Variants in STK33 observed in about 807,000 individuals in gnomAD.
The protein encoded by STK33 is serine/threonine-protein kinase 33.
STK33 carries 52 observed loss-of-function variants against 58.0 expected under a neutral mutation model. The ratio of observed to expected loss-of-function variants is 0.90; its 90% confidence interval spans 0.72 to 1.13. The LOEUF (loss-of-function observed/expected upper bound fraction) is 1.13. STK33 is among the 50% of genes most tolerant of loss of function. The probability of loss-of-function intolerance (pLI) is 0.00; values close to 1 mark genes in which losing one functional copy is unlikely to be tolerated. For synonymous variants in STK33, 215 were observed against 200.1 expected, an observed-to-expected ratio of 1.07 and a Z score of -0.63; for missense variants, 630 against 604.2, an observed-to-expected ratio of 1.04 and a Z score of -0.45.
chr11:8,591,108 A>G (rs1031869086), intron 1 of STK33, among the ~76,000 whole-genome samples: 1 of 152,222 alleles, frequency 6.6e-6, no homozygotes, highest in African/African-American at 2.4e-5. Context: ...CGTGTGACAG[A>G]TAAGTCAATG....
the STK33 span, among the ~76,000 whole-genome samples, chr11:8,358,999 G>C: frequency 1.3e-5 from 2 of 152,190 alleles, no homozygotes; most frequent in African/African-American, 4.8e-5. Flanking sequence ...CACAGTAACA[G>C]GCCTACCCAA....
chr11:8,355,307 C>T, the STK33 span, among the ~76,000 whole-genome samples: 2 of 152,246 alleles, frequency 1.3e-5, no homozygotes, highest in Non-Finnish European at 2.9e-5. Context: ...GAGGTTAATA[C>T]GGCACACCTG....
the STK33 span, among the ~76,000 whole-genome samples, chr11:8,384,343 C>A: frequency 2.0e-5 from 3 of 152,300 alleles, no homozygotes; most frequent in Admixed American, 6.5e-5. Context: ...CATGGTCTTG[C>A]GGTAATGCCA....
chr11:8,367,420 T>C, the STK33 span, among the ~76,000 whole-genome samples: 1 of 152,226 alleles, frequency 6.6e-6, no homozygotes, highest in Non-Finnish European at 1.5e-5. Context: ...CTATGAGATA[T>C]GGGGACCACA....
At chr11:8,537,658 G>A (rs1955144154) in intron 1 of STK33, among the ~76,000 whole-genome samples, 1 of 151,992 alleles carries the variant, frequency 6.6e-6, no homozygotes, top group African/African-American at 2.4e-5. Context: ...TGTAATCCCA[G>A]CACTTTGGGA....
chr11:8,369,331 G>GTGTGTGTGTA, the STK33 span, among the ~76,000 whole-genome samples: 1 of 146,350 alleles, frequency 6.8e-6, no homozygotes, highest in Non-Finnish European at 1.5e-5. Flanking sequence ...GTGTGTGTGT[G>GTGTGTGTGTA]TATAATCAGA....
At chr11:8,567,503 A>G (rs2141051271) in intron 1 of STK33, among the ~76,000 whole-genome samples, 1 of 152,368 alleles carries the variant, frequency 6.6e-6, no homozygotes, top group East Asian at 1.9e-4. Flanking sequence ...GAGTCTTTAC[A>G]GGAACACATT....
intron 1 of STK33, among the ~76,000 whole-genome samples, chr11:8,590,279 C>T (rs1292428457): frequency 6.6e-6 from 1 of 152,138 alleles, no homozygotes; most frequent in African/African-American, 2.4e-5. Context: ...TACTGAATCA[C>T]AAGCAAACTT....
At chr11:8,492,575 C>T (rs996675664) in intron 1 of STK33, among the ~76,000 whole-genome samples, 2 of 152,286 alleles carry the variant, frequency 1.3e-5, no homozygotes, top group African/African-American at 4.8e-5. Context: ...AGGACTTGAA[C>T]TCAGCTGTGC....
chr11:8,449,893 T>C lies in STK33; in HGVS notation c.871+2929A>G, dbSNP rs141892407. ...GTGAGAATGGTGATCATTAAAAAAG[T>C]CAGGAAACAACAGATGCTGGAGAGG... On this transcript the variant is annotated intron_variant, in intron 11 of 15. Coordinates refer to ENST00000687296, the MANE Select transcript of STK33 (RefSeq NM_001352389.2). 1.9e-3 allele frequency among the ~76,000 whole-genome samples: 284 copies of C among 152,190 alleles called. 1 individual carries two copies. Among genetic ancestry groups the C allele is most frequent in the Admixed American group, 4.2e-3 (64 of 15,286 alleles).
At chr11:8,538,727 C>T (rs947961801) in intron 1 of STK33, among the ~76,000 whole-genome samples, 3 of 152,146 alleles carry the variant, frequency 2.0e-5, no homozygotes, top group Admixed American at 1.3e-4. Flanking sequence ...TAGTGCTCAA[C>T]GAATGCTTGT....
intron 1 of STK33, among the ~76,000 whole-genome samples, chr11:8,513,557 A>C (rs1452775415): frequency 6.6e-6 from 1 of 152,186 alleles, no homozygotes; most frequent in Non-Finnish European, 1.5e-5. Flanking sequence ...CTGCTCGTAG[A>C]TCCAAACCAT....
chr11:8,434,078 C>A, intron 14 of STK33: 1 of 154,032 alleles, frequency 6.5e-6, no homozygotes, highest in Non-Finnish European at 1.4e-5. Context: ...CAAAAAATTG[C>A]TGGGCATGGT....
Position 8,454,783 on chromosome 11 carries a change from A to G in STK33, c.747T>C (p.Ser249=). ...TTATTTCATTGTTATCATCAATAAG[A>G]CTGCTTTTAACCATTATATTTTCCA... is the stretch of plus-strand genomic sequence containing the variant. ...LKLENIMVKS[S]LIDDNNEINL... The change falls in exon 10 of 16, where the codon AGT becomes AGC. Residue 249 remains serine (S), a synonymous_variant. Transcript: ENST00000687296. 6.3e-7 allele frequency: 1 copy of G among 1,576,424 alleles called. No individual in the cohort carries two copies.
the STK33 span, among the ~76,000 whole-genome samples, chr11:8,344,180 C>T: frequency 2.7e-5 from 3 of 109,848 alleles, no homozygotes; most frequent in African/African-American, 9.5e-5. Context: ...GGGAGAACCC[C>T]ATCTCTAAAA....
intron 15 of STK33, among the ~76,000 whole-genome samples, chr11:8,401,241 A>C: frequency 6.6e-6 from 1 of 152,202 alleles, no homozygotes; most frequent in Non-Finnish European, 1.5e-5. Flanking sequence ...ACAGTAACCA[A>C]AACAGCATGG....
At chr11:8,519,189 A>G (rs1349045124) in intron 1 of STK33, among the ~76,000 whole-genome samples, 6 of 152,112 alleles carry the variant, frequency 3.9e-5, no homozygotes, top group Admixed American at 3.9e-4. Flanking sequence ...TAAGAAACTC[A>G]CTCAAAACCG....
intron 14 of STK33, among the ~76,000 whole-genome samples, chr11:8,432,813 A>G (rs1355178173): frequency 1.3e-5 from 2 of 152,208 alleles, no homozygotes; most frequent in African/African-American, 4.8e-5. Context: ...GTAAAATGCC[A>G]GTATTCTAAA....
intron 14 of STK33, among the ~76,000 whole-genome samples, chr11:8,421,811 T>G (rs1384810389): frequency 6.6e-6 from 1 of 152,162 alleles, no homozygotes; most frequent in Admixed American, 6.5e-5. Context: ...TTACTAGATG[T>G]TTTATATTCT....
Sources: allele counts gnomAD v4.1 joint callset (sites outside exome capture counted in the v4.1 genomes callset), GRCh38; gene constraint gnomAD v4.1.1; transcripts MANE v1.5; gene names NCBI Gene and HGNC (gene_info 2026-07-23, HGNC 2026-07-21).